DAB1: variants seen among roughly 807,000 people sequenced by gnomAD.
The protein encoded by DAB1 is DAB adaptor protein 1.
Under a neutral mutation model 64.6 loss-of-function variants are expected in DAB1, and 15 were observed. The observed-to-expected ratio is 0.23, with a 90% CI of 0.16 to 0.36. The LOEUF (loss-of-function observed/expected upper bound fraction) is 0.36. Among genes scored for constraint, DAB1 ranks in the 10% least tolerant of loss-of-function variants. The pLI is 1.00. For missense variants in DAB1, 596 were observed against 706.7 expected, an observed-to-expected ratio of 0.84 and a Z score of 1.78; for synonymous variants, 235 against 251.9, an observed-to-expected ratio of 0.93 and a Z score of 0.64.
chr1:57,939,820 C>T (rs1435012559), intron 5 of DAB1, among the ~76,000 whole-genome samples: 1 of 152,228 alleles, frequency 6.6e-6, no homozygotes, highest in Non-Finnish European at 1.5e-5. Context: ...ATGAGGCCAG[C>T]TTTCCCACTG....
At chr1:57,553,345 AAGAG>A (rs1052546812) in intron 7 of DAB1, among the ~76,000 whole-genome samples, 1 of 147,450 alleles carries the variant, frequency 6.8e-6, no homozygotes, top group African/African-American at 2.5e-5. Flanking sequence ...GAAACAGAGA[AAGAG>A]AGAGAGAAAG....
chr1:57,176,449 G>A (rs549509720), intron 2 of DAB1, among the ~76,000 whole-genome samples: 175 of 151,926 alleles, frequency 1.2e-3, no homozygotes, highest in African/African-American at 3.8e-3. Flanking sequence ...TGAAAGACCC[G>A]CCCCCCACAA....
At chr1:57,687,479 G>A (rs944039803) in intron 6 of DAB1, among the ~76,000 whole-genome samples, 3 of 151,610 alleles carry the variant, frequency 2.0e-5, no homozygotes, top group Admixed American at 1.3e-4. Flanking sequence ...GTAATCTACA[G>A]GTTCAGCACT....
At chr1:57,072,486 TG>T in intron 4 of DAB1, 72 bp from the exon 5 acceptor site, 1 of 1,558,222 alleles carries the variant, frequency 6.4e-7, no homozygotes, top group Middle Eastern at 1.7e-4. Context: ...ATAAGAAATG[TG>T]TTTCAGCTAC....
At chr1:58,459,796 G>A (rs187203984) in intron 3 of DAB1, among the ~76,000 whole-genome samples, 1 of 152,230 alleles carries the variant, frequency 6.6e-6, no homozygotes, top group Non-Finnish European at 1.5e-5. Flanking sequence ...TGGCCAACAT[G>A]GCAAAACCCC....
chr1:58,367,916 C>T (rs1213664), intron 3 of DAB1, among the ~76,000 whole-genome samples: 22,156 of 152,158 alleles, frequency 0.15, 2,416 homozygotes, highest in African/African-American at 0.31. Context: ...TTGGGGATGA[C>T]TCCTTTCAGT....
At chr1:58,084,224 T>C (rs1396033473) in intron 5 of DAB1, among the ~76,000 whole-genome samples, 1 of 152,154 alleles carries the variant, frequency 6.6e-6, no homozygotes, top group Non-Finnish European at 1.5e-5. Context: ...AATGAGATGT[T>C]TCTGAAACAA....
At chr1:57,966,095 A>G (rs1308515201) in intron 5 of DAB1, among the ~76,000 whole-genome samples, 1 of 152,196 alleles carries the variant, frequency 6.6e-6, no homozygotes, top group Non-Finnish European at 1.5e-5. Context: ...AGTGCATACA[A>G]AATGCAGCAG....
intron 6 of DAB1, among the ~76,000 whole-genome samples, chr1:57,683,279 C>T (rs896676827): frequency 3.9e-5 from 6 of 152,094 alleles, no homozygotes; most frequent in South Asian, 2.1e-4. Context: ...GTCCTCTGCC[C>T]GAGCGAGCCC....
intron 6 of DAB1, among the ~76,000 whole-genome samples, chr1:57,684,719 A>T (rs1276714306): frequency 1.3e-5 from 2 of 152,188 alleles, no homozygotes; most frequent in Admixed American, 6.5e-5. Context: ...AATCAAGTCT[A>T]CATGACAACC....
intron 4 of DAB1, among the ~76,000 whole-genome samples, chr1:58,235,148 A>T (rs1406336203): frequency 6.6e-6 from 1 of 152,190 alleles, no homozygotes; most frequent in Non-Finnish European, 1.5e-5. Context: ...AATGGCAAAT[A>T]CTAACATTTA....
At chr1:57,695,787 C>T (rs1323383825) in intron 6 of DAB1, among the ~76,000 whole-genome samples, 1 of 152,102 alleles carries the variant, frequency 6.6e-6, no homozygotes, top group Non-Finnish European at 1.5e-5. Context: ...GTAATCCCAG[C>T]TACTTGGGAG....
intron 5 of DAB1, among the ~76,000 whole-genome samples, chr1:58,104,255 T>C (rs898538039): frequency 6.6e-6 from 1 of 152,192 alleles, no homozygotes; most frequent in African/African-American, 2.4e-5. Context: ...TTAGTATTTA[T>C]CAAACTGAAT....
intron 5 of DAB1, among the ~76,000 whole-genome samples, chr1:58,029,081 A>G (rs1171581178): frequency 6.6e-6 from 1 of 152,198 alleles, no homozygotes; most frequent in Non-Finnish European, 1.5e-5. Flanking sequence ...AGAAGGTTCA[A>G]TTACAGTGAG....
intron 6 of DAB1, among the ~76,000 whole-genome samples, chr1:57,740,210 T>C (rs1177218036): frequency 6.6e-6 from 1 of 152,104 alleles, no homozygotes; most frequent in Non-Finnish European, 1.5e-5. Flanking sequence ...CAAGATTCTG[T>C]CTCAAAAATA....
intron 1 of DAB1, among the ~76,000 whole-genome samples, chr1:57,316,228 T>C (rs1214694372): frequency 6.6e-6 from 1 of 152,180 alleles, no homozygotes; most frequent in Non-Finnish European, 1.5e-5. Flanking sequence ...ATAATCCAAT[T>C]TACTGTGTAT....
intron 5 of DAB1, among the ~76,000 whole-genome samples, chr1:58,002,119 G>C (rs1197413340): frequency 6.6e-6 from 1 of 152,072 alleles, no homozygotes; most frequent in Admixed American, 6.6e-5. Context: ...CACCAGAATT[G>C]CAAAAAAATA....
chr1:57,929,653 G>T (rs1348189996), intron 5 of DAB1, among the ~76,000 whole-genome samples: 1 of 152,148 alleles, frequency 6.6e-6, no homozygotes, highest in East Asian at 1.9e-4. Context: ...CAAGTCATAT[G>T]GGAAAGATGG....
chr1:57,037,166 C>T (rs1183710397), intron 9 of DAB1, among the ~76,000 whole-genome samples: 1 of 152,244 alleles, frequency 6.6e-6, no homozygotes, highest in East Asian at 1.9e-4. Flanking sequence ...AATGTGCAGC[C>T]GGATTTGCAA....
Sources: allele counts gnomAD v4.1 joint callset (sites outside exome capture counted in the v4.1 genomes callset), GRCh38; gene constraint gnomAD v4.1.1; transcripts MANE v1.5; gene names NCBI Gene and HGNC (gene_info 2026-07-23, HGNC 2026-07-21).